RLF: variants seen among roughly 807,000 people sequenced by gnomAD.
The protein encoded by RLF is RLF zinc finger, also known as zinc finger protein Rlf.
In RLF, 7 loss-of-function variants were observed where a neutral mutation model predicts 162.9. The ratio of observed to expected loss-of-function variants is 0.04; its 90% CI spans 0.02 to 0.08. The LOEUF is 0.08. Among genes scored for constraint, RLF ranks in the 10% least tolerant of loss-of-function variants. RLF has a pLI of 1.00. For synonymous variants in RLF, 782 were observed against 791.5 expected, an observed-to-expected ratio of 0.99 and a Z score of 0.20; for missense variants, 1,664 against 2,244.7, an observed-to-expected ratio of 0.74 and a Z score of 5.23.
chr1:40,214,713 C>G (rs1242771873), intron 5 of RLF, among the ~76,000 whole-genome samples: 1 of 151,502 alleles, frequency 6.6e-6, no homozygotes, highest in Non-Finnish European at 1.5e-5. Flanking sequence ...TGAGACCAGC[C>G]TGAGCAACAT....
At chr1:40,175,334 G>A (rs565175138) in intron 1 of RLF, among the ~76,000 whole-genome samples, 1 of 151,900 alleles carries the variant, frequency 6.6e-6, no homozygotes. Flanking sequence ...ATGTATATTT[G>A]AACCTAACAA....
At chr1:40,195,187 A>C (rs1642617136) in intron 3 of RLF, among the ~76,000 whole-genome samples, 1 of 151,194 alleles carries the variant, frequency 6.6e-6, no homozygotes, top group Non-Finnish European at 1.5e-5. Flanking sequence ...CGATGGCTCA[A>C]CACCTATAAT....
chr1:40,166,910 G>T (rs1035419697), intron 1 of RLF, among the ~76,000 whole-genome samples: 2 of 151,648 alleles, frequency 1.3e-5, no homozygotes, highest in Non-Finnish European at 2.9e-5. Flanking sequence ...TGTAAATGAC[G>T]AGTTAATGGG....
Position 40,202,592 on chromosome 1 carries a change from C to A in RLF, c.788C>A (p.Pro263His). 6.5e-7 allele frequency: 1 copy of A among 1,534,624 alleles called. No homozygotes were observed. The highest frequency in any genetic ancestry group is 8.7e-7 in the Non-Finnish European group (1 of 1,151,678). ...AYITCLCSML[P>H]NEDAIKEIAK... ...ATCACATGTTTATGTTCTATGCTCC[C>A]TAATGAAGATGCTATTAAGGAGGTG... The change falls in exon 5 of 8, where the codon CCT (proline) becomes CAT (histidine). Residue 263 changes from proline to histidine, a missense_variant. Around this residue, in one of 15 missense-constraint regions of RLF, gnomAD observed 287 missense variants for 404.9 expected, o/e 0.71. Coordinates refer to ENST00000372771, the MANE Select transcript of RLF (RefSeq NM_012421.4).
At chr1:40,199,278 G>A (rs1331921510) in intron 4 of RLF, among the ~76,000 whole-genome samples, 1 of 152,158 alleles carries the variant, frequency 6.6e-6, no homozygotes, top group Non-Finnish European at 1.5e-5. Flanking sequence ...AGTGCTGTAG[G>A]GAATACAAAG....
rs1643201047 is a variant in RLF, at chr1:40,235,136, A to G, written c.1090-656A>G. On this transcript the variant is annotated intron_variant, in intron 7 of 7. Coordinates refer to ENST00000372771, the MANE Select transcript of RLF (RefSeq NM_012421.4). ...GAGTGCAATGGTGTGATCTTGGCTA[A>G]ACTGCAACCTCCACCTCCTGGGTTC... Among the ~76,000 whole-genome samples the G allele has an allele frequency of 2.1e-5, 3 of 146,006 alleles. No individual in the cohort carries two copies. In the Admixed American group the frequency reaches 2.1e-4, roughly 10 times the overall value.
rs1642547316 is a variant in RLF, at chr1:40,190,850, A to T, written c.471A>T (p.Leu157=). 6.2e-7 allele frequency: 1 copy of T among 1,606,454 alleles called. No individual in the cohort carries two copies. The highest frequency in any genetic ancestry group is 1.1e-5 in the South Asian group (1 of 89,958). ...TCTGGCTACCATTCCTTCAGTCTCT[A>T]CAGGTGAGTTGATTTTAACTCAGAA... The part of the protein sequence containing the change: ...CEVWLPFLQS[L]QESHDALLEF... Residue 157 remains leucine (L), a synonymous_variant, in exon 3 of 8, where the codon CTA becomes CTT. Transcript: ENST00000372771.
chr1:40,202,403 T>A lies in RLF; in HGVS notation c.608-9T>A. ...GTTGTCAAACTGTTTTATTTTTCAT[T>A]TTTTCTAGTCAATAAATTGATTGCA... On this transcript the variant is annotated splice_polypyrimidine_tract_variant and intron_variant, in intron 4 of 7. Transcript: ENST00000372771. The A allele has an allele frequency of 6.4e-7, 1 of 1,561,196 alleles. No homozygotes were observed. Among genetic ancestry groups the A allele is most frequent in the Non-Finnish European group, 8.6e-7 (1 of 1,158,310 alleles).
At position 40,161,436 on chromosome 1, in the gene RLF, G is replaced by T. The variant is rs770721596; in HGVS notation, c.37G>T (p.Gly13Trp). 7 of 1,558,292 alleles carry T rather than the reference G, an allele frequency of 4.5e-6. No individual in the cohort carries two copies. In the South Asian group the frequency reaches 8.2e-5, roughly 18 times the overall value. The change falls in exon 1 of 8, where the codon GGG becomes TGG. Residue 13 changes from glycine to tryptophan, a missense_variant. Gly to Trp is a radical substitution (Grantham distance 184). Coordinates refer to ENST00000372771, the MANE Select transcript of RLF (RefSeq NM_012421.4). The surrounding 1 kb of genome is among the most constrained non-coding windows in gnomAD (Gnocchi z 4.4). ...AAAGGGAGACGCCGCCGCTGTCGCC[G>T]GGGCTGGGGCTGAGGCTCCGGCGGT... is the stretch of plus-strand genomic sequence containing the variant. ...DGKGDAAAVA[G>W]AGAEAPAVAG...
intron 2 of RLF, among the ~76,000 whole-genome samples, chr1:40,189,884 A>G (rs541083557): frequency 1.6e-4 from 24 of 152,294 alleles, no homozygotes; most frequent in African/African-American, 5.8e-4. Flanking sequence ...CCTTTATTGT[A>G]ATTTTCATCT....
Position 40,239,685 on chromosome 1 carries a change from T to G in RLF, c.4983T>G (p.Phe1661Leu). The change falls in exon 8 of 8, where the codon TTT becomes TTG. Residue 1661 changes from phenylalanine to leucine, a missense_variant. Physicochemically the swap from Phe to Leu is conservative, Grantham distance 22. Around this residue, in one of 15 missense-constraint regions of RLF, gnomAD observed 327 missense variants for 342.7 expected, o/e 0.95. Coordinates refer to ENST00000372771, the MANE Select transcript of RLF (RefSeq NM_012421.4). ...GGTGCATAGAAAGCAGCTCAGTATT[T>G]GATGCAGATACTCTGCTCTACAGGG... ...QKGCIESSSV[F>L]DADTLLYRGT... 1 of 1,614,182 alleles carries G rather than the reference T, an allele frequency of 6.2e-7. No individual in the cohort carries two copies. Among genetic ancestry groups the G allele is most frequent in the Non-Finnish European group, 8.5e-7 (1 of 1,180,044 alleles).
chr1:40,222,219 A>T (rs755546476), intron 5 of RLF, among the ~76,000 whole-genome samples: 5 of 152,150 alleles, frequency 3.3e-5, no homozygotes, highest in Non-Finnish European at 7.4e-5. Context: ...GTGGTCATAG[A>T]TACTAGGGGA....
intron 1 of RLF, among the ~76,000 whole-genome samples, chr1:40,174,480 A>G (rs1380501471): frequency 6.6e-6 from 1 of 152,202 alleles, no homozygotes; most frequent in East Asian, 1.9e-4. Flanking sequence ...ATTGCTCCCT[A>G]AATGAGATGC....
chr1:40,167,558 A>C (rs888990222), intron 1 of RLF, among the ~76,000 whole-genome samples: 1 of 152,110 alleles, frequency 6.6e-6, no homozygotes. Flanking sequence ...AATAGTGTTG[A>C]CAAAAACTTA....
In RLF at chr1:40,238,645, A is replaced by G; in HGVS notation, c.3943A>G (p.Lys1315Glu). 1 of 1,613,404 alleles carries G rather than the reference A, an allele frequency of 6.2e-7. No individual in the cohort carries two copies. Among genetic ancestry groups the G allele is most frequent in the Non-Finnish European group, 8.5e-7 (1 of 1,179,676 alleles). Residue 1315 changes from lysine to glutamate, a missense_variant, in exon 8 of 8, where the codon AAA becomes GAA. By Grantham distance (56) the Lys-to-Glu change is moderately conservative (BLOSUM62 1). Coordinates refer to ENST00000372771, the MANE Select transcript of RLF (RefSeq NM_012421.4). This position sits in a 1 kb window ranked among gnomAD's most constrained non-coding sequence, Gnocchi z 5.2. Reference sequence around the variant, plus strand: ...CCACAAACCATTCCATTGTATTCATAAAACTTGCAACTCCTCATTCACCAA... The same window carrying G: ...CCACAAACCATTCCATTGTATTCATGAAACTTGCAACTCCTCATTCACCAA... ...KYHKPFHCIH[K>E]TCNSSFTNLK...
chr1:40,170,140 T>TC (rs1044934025), intron 1 of RLF, among the ~76,000 whole-genome samples: 2 of 152,230 alleles, frequency 1.3e-5, no homozygotes, highest in Admixed American at 6.5e-5. Flanking sequence ...GCTTTTTTTT[T>TC]CCACTACAAT....
In RLF at chr1:40,240,702, A is replaced by C. The variant is rs570560757; in HGVS notation, c.*255A>C. 50 of 391,680 alleles carry C rather than the reference A, an allele frequency of 1.3e-4. No homozygotes were observed. Among genetic ancestry groups the C allele is most frequent in the Admixed American group, 4.3e-5 (1 of 23,474 alleles). 24.3% of individuals were successfully genotyped at this position (391,680 alleles called of 1,614,324 possible). A position where few individuals can be genotyped will look rare whatever the true frequency, so the allele number is the denominator to read the frequency against. On this transcript the variant is annotated 3_prime_UTR_variant, in exon 8 of 8. Transcript: ENST00000372771. Reference sequence around the variant, plus strand: ...ACTGTACACTTGTTTGGTGCTAATTAATACATCAAAATATACTGGGGCTTC... The same window carrying C: ...ACTGTACACTTGTTTGGTGCTAATTCATACATCAAAATATACTGGGGCTTC...
At chr1:40,210,864 T>C (rs1642855930) in intron 5 of RLF, among the ~76,000 whole-genome samples, 1 of 152,194 alleles carries the variant, frequency 6.6e-6, no homozygotes, top group African/African-American at 2.4e-5. Context: ...GATGATAAGC[T>C]TTGTTTTATA....
intron 1 of RLF, among the ~76,000 whole-genome samples, chr1:40,182,441 A>C (rs999472331): frequency 2.0e-4 from 31 of 152,142 alleles, no homozygotes; most frequent in Admixed American, 1.3e-4. Context: ...TCTAAAAAAA[A>C]AGAAAAGAAA....
Sources: allele counts gnomAD v4.1 joint callset (sites outside exome capture counted in the v4.1 genomes callset), GRCh38; gene constraint gnomAD v4.1.1; regional missense constraint gnomAD v4.1.1; non-coding constraint Gnocchi (gnomAD v3.1); transcripts MANE v1.5; gene names NCBI Gene and HGNC (gene_info 2026-07-23, HGNC 2026-07-21).